Variants in SMIM36 observed in about 807,000 individuals in gnomAD.
SMIM36 encodes small integral membrane protein 36.
intron 1 of SMIM36, among the ~76,000 whole-genome samples, chr17:55,487,366 T>A (rs1909626472): frequency 6.6e-6 from 1 of 151,866 alleles, no homozygotes; most frequent in Admixed American, 6.6e-5. Context: ...AATAAATAAA[T>A]AAAAAAGTGT....
rs1598454651 is a variant in SMIM36 at position 55,492,246 on chromosome 17, T to TTTC, written c.*175-12667_*175-12666insGAA. On this transcript the variant is annotated intron_variant, in intron 1 of 4. Coordinates refer to ENST00000636752, the Ensembl canonical transcript of SMIM36. ...TTTCTTTTCTTTTCTTTCTTTCTTT[T>TTTC]TTTTTTTTTTTTTTTGAGACAGAGT... Among the ~76,000 whole-genome samples the TTTC allele has an allele frequency of 1.5e-4, 18 of 119,226 alleles. No homozygotes were observed. In the East Asian group the frequency reaches 2.1e-3, roughly 14 times the overall value. The allele number at this position is 119,226 out of a possible 152,430, so 78.2% of individuals were successfully genotyped here. A position where few individuals can be genotyped will look rare whatever the true frequency, so the allele number is the denominator to read the frequency against.
intron 4 of SMIM36, among the ~76,000 whole-genome samples, chr17:55,464,857 G>T (rs1276311967): frequency 6.6e-6 from 1 of 152,168 alleles, no homozygotes; most frequent in Non-Finnish European, 1.5e-5. Context: ...TTGAGAGCAG[G>T]TGTGCCTTGT....
chr17:55,497,134 C>T (rs1422327718), intron 1 of SMIM36, among the ~76,000 whole-genome samples: 1 of 152,150 alleles, frequency 6.6e-6, no homozygotes, highest in East Asian at 1.9e-4. Context: ...TGTCCCTAGT[C>T]CTTCTCTATG....
intron 3 of SMIM36, among the ~76,000 whole-genome samples, chr17:55,476,320 C>T (rs916055465): frequency 6.6e-6 from 1 of 152,070 alleles, no homozygotes; most frequent in Non-Finnish European, 1.5e-5. Flanking sequence ...GCCTTGTGAC[C>T]CCTACCCCTG....
chr17:55,532,045 C>T, the SMIM36 span, among the ~76,000 whole-genome samples: 12,513 of 152,200 alleles, frequency 0.082, 794 homozygotes, highest in Non-Finnish European at 0.13. Context: ...ATATTGCTAT[C>T]GAAAAGTCTC....
the SMIM36 span, among the ~76,000 whole-genome samples, chr17:55,531,783 G>A: frequency 2.6e-5 from 4 of 152,070 alleles, no homozygotes; most frequent in Non-Finnish European, 5.9e-5. Context: ...TTTAAGAAGC[G>A]GAATGTAACC....
chr17:55,466,863 C>G (rs1402935693), intron 4 of SMIM36, among the ~76,000 whole-genome samples: 2 of 152,218 alleles, frequency 1.3e-5, no homozygotes, highest in Non-Finnish European at 2.9e-5. Context: ...TAAGTCCAAC[C>G]TGCTGACTTG....
intron 1 of SMIM36, among the ~76,000 whole-genome samples, chr17:55,490,784 A>G (rs1463137242): frequency 6.6e-6 from 1 of 152,230 alleles, no homozygotes; most frequent in Non-Finnish European, 1.5e-5. Context: ...ACTTGTACAT[A>G]CACTATGATC....
chr17:55,467,638 C>T (rs960810038), intron 3 of SMIM36, among the ~76,000 whole-genome samples: 9 of 152,224 alleles, frequency 5.9e-5, no homozygotes, highest in Middle Eastern at 3.4e-3. Context: ...CCTCGTGATC[C>T]GCCTGCCACG....
intron 1 of SMIM36, among the ~76,000 whole-genome samples, chr17:55,507,383 G>A (rs983006971): frequency 7.2e-6 from 1 of 138,356 alleles, no homozygotes; most frequent in African/African-American, 2.8e-5. Flanking sequence ...ATACACCATG[G>A]AATACTATGC....
intron 3 of SMIM36, among the ~76,000 whole-genome samples, chr17:55,469,267 C>A (rs1438842567): frequency 6.6e-6 from 1 of 152,194 alleles, no homozygotes; most frequent in Non-Finnish European, 1.5e-5. Context: ...TCCCCACTTG[C>A]CCCAAAATTG....
intron 3 of SMIM36, 42 bp downstream of exon 3, chr17:55,478,720 G>A (rs762524039): frequency 2.6e-5 from 4 of 152,176 alleles, no homozygotes; most frequent in Non-Finnish European, 5.9e-5. Context: ...TGTTCTGGTT[G>A]AAATGGGGTT....
At chr17:55,463,258 A>G (rs1909177160) in intron 4 of SMIM36, among the ~76,000 whole-genome samples, 1 of 152,164 alleles carries the variant, frequency 6.6e-6, no homozygotes, top group Non-Finnish European at 1.5e-5. Flanking sequence ...ACTAATAACA[A>G]TAACTAATAA....
intron 1 of SMIM36, 140 bp from the exon 2 acceptor site, chr17:55,479,720 C>T (rs1351336218): frequency 6.6e-6 from 1 of 152,216 alleles, no homozygotes; most frequent in Non-Finnish European, 1.5e-5. Flanking sequence ...ACAAGCTTGA[C>T]CAAATTACTT....
At chr17:55,465,604 C>T (rs372035368) in intron 4 of SMIM36, among the ~76,000 whole-genome samples, 1 of 152,206 alleles carries the variant, frequency 6.6e-6, no homozygotes. Flanking sequence ...ATGACATTGC[C>T]TCAACACATG....
At chr17:55,498,250 T>C (rs958930413) in intron 1 of SMIM36, among the ~76,000 whole-genome samples, 3 of 152,196 alleles carry the variant, frequency 2.0e-5, no homozygotes, top group African/African-American at 7.2e-5. Context: ...GTAATGACAC[T>C]ATTTCAAAAT....
At chr17:55,478,940 A>G (rs1052827681) in intron 2 of SMIM36, 127 bp from the exon 3 acceptor site, 3 of 152,230 alleles carry the variant, frequency 2.0e-5, no homozygotes, top group African/African-American at 7.2e-5. Flanking sequence ...TTGCAGCAGC[A>G]GGGATCCCAA....
the SMIM36 span, among the ~76,000 whole-genome samples, chr17:55,523,257 T>C: frequency 6.6e-6 from 1 of 151,748 alleles, no homozygotes; most frequent in South Asian, 2.1e-4. Context: ...AGGGGCTGGG[T>C]GTGGTGGCTC....
intron 1 of SMIM36, among the ~76,000 whole-genome samples, chr17:55,507,888 G>A (rs1273486549): frequency 6.6e-6 from 1 of 152,084 alleles, no homozygotes; most frequent in Non-Finnish European, 1.5e-5. Context: ...TTCCTCTTTC[G>A]TCATAAGAAG....
Sources: gnomAD v4.1 joint callset for allele counts (sites outside exome capture counted in the v4.1 genomes callset) on GRCh38, gnomAD v4.1.1 for gene constraint, MANE v1.5 for transcripts, NCBI Gene and HGNC (gene_info 2026-07-23, HGNC 2026-07-21) for gene names.